The following ARFIP1 variants were observed in gnomAD, a reference collection of about 807,000 sequenced individuals.
ARFIP1 encodes ARF interacting protein 1, also known as arfaptin-1.
Under a neutral mutation model 42.5 loss-of-function variants are expected in ARFIP1, and 24 were observed. That is an observed-to-expected ratio of 0.57 (90% confidence interval 0.41 to 0.80). ARFIP1 has a LOEUF of 0.80. ARFIP1 is among the 30% of genes least tolerant of loss of function. The pLI, the probability that ARFIP1 is intolerant of heterozygous loss-of-function variation, is 0.00. For synonymous variants in ARFIP1, 141 were observed against 153.7 expected (o/e 0.92, Z 0.61); for missense variants, 354 against 434.0 (o/e 0.82, Z 1.64).
chr4:152,832,200 A>G (rs1731302670), intron 2 of ARFIP1, among the ~76,000 whole-genome samples: 1 of 152,222 alleles, frequency 6.6e-6, no homozygotes, highest in Admixed American at 6.5e-5. Context: ...CCAGCTGGCA[A>G]CACCAGCAAT....
At chr4:152,858,157 T>C (rs1473763301) in intron 2 of ARFIP1, among the ~76,000 whole-genome samples, 3 of 152,080 alleles carry the variant, frequency 2.0e-5, no homozygotes, top group Non-Finnish European at 4.4e-5. Flanking sequence ...CTGGGCGTGG[T>C]GGTGCATGTC....
intron 7 of ARFIP1, among the ~76,000 whole-genome samples, chr4:152,884,056 C>T (rs528223525): frequency 3.0e-4 from 45 of 151,978 alleles, no homozygotes; most frequent in African/African-American, 9.4e-4. Context: ...TAAGTAAAAG[C>T]CCAAATCATT....
At chr4:152,892,272 A>G (rs1736922242) in intron 8 of ARFIP1, among the ~76,000 whole-genome samples, 1 of 152,178 alleles carries the variant, frequency 6.6e-6, no homozygotes, top group African/African-American at 2.4e-5. Flanking sequence ...TAATTTGATA[A>G]TGTCCTAAAG....
intron 1 of ARFIP1, among the ~76,000 whole-genome samples, chr4:152,799,782 A>G (rs1731690874): frequency 1.3e-5 from 2 of 152,184 alleles, no homozygotes; most frequent in Non-Finnish European, 2.9e-5. Context: ...GTTCTAGGAA[A>G]GATTGACAGC....
At chr4:152,872,734 G>T (rs949700047) in intron 5 of ARFIP1, among the ~76,000 whole-genome samples, 170 bp downstream of exon 5, 1 of 152,068 alleles carries the variant, frequency 6.6e-6, no homozygotes, top group Non-Finnish European at 1.5e-5. Flanking sequence ...ATTGATCTTT[G>T]CATGTAATTT....
intron 1 of ARFIP1, among the ~76,000 whole-genome samples, chr4:152,781,783 T>C (rs1426029727): frequency 2.6e-5 from 4 of 152,314 alleles, no homozygotes; most frequent in African/African-American, 9.6e-5. Flanking sequence ...CTTTCCAAAT[T>C]GATAAACTGG....
intron 3 of ARFIP1, 123 bp from the exon 4 acceptor site, chr4:152,870,626 TATTA>T (rs1734797821): frequency 1.5e-6 from 1 of 653,638 alleles, no homozygotes; most frequent in Non-Finnish European, 2.7e-6. Flanking sequence ...AAAACAAATA[TATTA>T]ATTCCAACTT....
chr4:152,807,230 T>G (rs1729060672), intron 1 of ARFIP1: 1 of 151,760 alleles, frequency 6.6e-6, no homozygotes, highest in African/African-American at 2.4e-5. Flanking sequence ...GGAAAGCTGC[T>G]AGGAGTACAT....
chr4:152,842,201 C>G (rs935132713), intron 2 of ARFIP1, among the ~76,000 whole-genome samples: 8 of 152,036 alleles, frequency 5.3e-5, no homozygotes, highest in Non-Finnish European at 4.4e-5. Context: ...CATCTATCGC[C>G]TGAGAGCACA....
At position 152,828,163 on chromosome 4, in the gene ARFIP1, G is replaced by A. The variant is rs540512035; in HGVS notation, c.-9-1462G>A. ...ATTGTTATAAATAAATAAGGCTGCT[G>A]TAAACATCTGTGTGTAAATTTTTCT... On this transcript the variant is annotated intron_variant, in intron 1 of 8. Transcript: ENST00000353617. Among the ~76,000 whole-genome samples, 10 of 152,324 alleles carry A rather than the reference G, an allele frequency of 6.6e-5. No individual in the cohort carries two copies. The East Asian group carries it at 1.9e-3, about 29-fold the overall frequency.
intron 8 of ARFIP1, among the ~76,000 whole-genome samples, chr4:152,894,156 C>T (rs183301903): frequency 1.1e-3 from 160 of 148,890 alleles, no homozygotes; most frequent in African/African-American, 3.6e-3. Flanking sequence ...TGCAGTGAGC[C>T]GAGATCGCGC....
At chr4:152,900,234 CT>C (rs1257273683) in intron 8 of ARFIP1, among the ~76,000 whole-genome samples, 5 of 152,038 alleles carry the variant, frequency 3.3e-5, no homozygotes, top group Non-Finnish European at 7.4e-5. Flanking sequence ...AGGCGAAAGA[CT>C]TTTTTTGCTA....
chr4:152,888,335 C>G, intron 8 of ARFIP1, 28 bp downstream of exon 8: 1 of 1,502,698 alleles, frequency 6.7e-7, no homozygotes, highest in South Asian at 1.3e-5. Flanking sequence ...TAAGGTCTTT[C>G]TGTGGACTTT....
intron 2 of ARFIP1, among the ~76,000 whole-genome samples, chr4:152,851,656 A>G (rs1273995751): frequency 6.6e-6 from 1 of 152,206 alleles, no homozygotes; most frequent in Non-Finnish European, 1.5e-5. Flanking sequence ...TAGTTTGAAG[A>G]ATTGATTGCG....
intron 1 of ARFIP1, among the ~76,000 whole-genome samples, chr4:152,785,912 G>C (rs1194360119): frequency 6.6e-6 from 1 of 152,174 alleles, no homozygotes; most frequent in Non-Finnish European, 1.5e-5. Context: ...TTATTGGACA[G>C]TGCAAATTTA....
chr4:152,822,863 T>TG (rs1233717520), intron 1 of ARFIP1, among the ~76,000 whole-genome samples: 3 of 152,148 alleles, frequency 2.0e-5, no homozygotes, highest in Admixed American at 6.5e-5. Flanking sequence ...TTGCAGTGAA[T>TG]GATAACAGTG....
At chr4:152,818,577 G>A (rs1730099356) in intron 1 of ARFIP1, among the ~76,000 whole-genome samples, 1 of 152,176 alleles carries the variant, frequency 6.6e-6, no homozygotes, top group Non-Finnish European at 1.5e-5. Context: ...CTTGAGTGAG[G>A]ATGAACACCT....
intron 1 of ARFIP1, among the ~76,000 whole-genome samples, chr4:152,823,994 G>A (rs1443820126): frequency 6.6e-6 from 1 of 151,834 alleles, no homozygotes; most frequent in Non-Finnish European, 1.5e-5. Flanking sequence ...TTAGCAAACT[G>A]AATCCAATAG....
chr4:152,831,179 T>G (rs1731215850), intron 2 of ARFIP1, among the ~76,000 whole-genome samples: 1 of 152,234 alleles, frequency 6.6e-6, no homozygotes, highest in Non-Finnish European at 1.5e-5. Flanking sequence ...ATACTAATTA[T>G]GCCAAGATTC....
Sources: gnomAD v4.1 joint callset for allele counts (sites outside exome capture counted in the v4.1 genomes callset) on GRCh38, gnomAD v4.1.1 for gene constraint, MANE v1.5 for transcripts, NCBI Gene and HGNC (gene_info 2026-07-23, HGNC 2026-07-21) for gene names.